PGCKA1: variants seen among roughly 807,000 people sequenced by gnomAD.
The protein encoded by PGCKA1 is PDCD10 and GCKIII kinases associated 1.
chr4:37,582,168 C>T, the PGCKA1 span, among the ~76,000 whole-genome samples: 1 of 152,174 alleles, frequency 6.6e-6, no homozygotes, highest in Non-Finnish European at 1.5e-5. Context: ...GATTGTCTTT[C>T]CTACTACCCT....
chr4:37,565,182 C>T, the PGCKA1 span, among the ~76,000 whole-genome samples: 2 of 152,274 alleles, frequency 1.3e-5, no homozygotes, highest in South Asian at 2.1e-4. Context: ...ACTGGCAGAA[C>T]TTGACATCTC....
chr4:37,519,357 G>C, the PGCKA1 span, among the ~76,000 whole-genome samples: 1 of 151,846 alleles, frequency 6.6e-6, no homozygotes, highest in Non-Finnish European at 1.5e-5. Context: ...GATTGCTTTG[G>C]GTAGTATGGA....
chr4:37,460,551 C>A, the PGCKA1 span: 1 of 453,408 alleles, frequency 2.2e-6, no homozygotes, highest in Non-Finnish European at 4.4e-6. Flanking sequence ...GCTGTGGAAT[C>A]TCATTGTGGT....
chr4:37,466,264 A>G, the PGCKA1 span, among the ~76,000 whole-genome samples: 1 of 152,196 alleles, frequency 6.6e-6, no homozygotes, highest in Non-Finnish European at 1.5e-5. Flanking sequence ...ATATTTTGAA[A>G]TATATCTGAA....
At chr4:37,560,487 T>C in the PGCKA1 span, among the ~76,000 whole-genome samples, 1 of 152,206 alleles carries the variant, frequency 6.6e-6, no homozygotes, top group Non-Finnish European at 1.5e-5. Flanking sequence ...CAGAACTACA[T>C]GCATTGGCAT....
the PGCKA1 span, among the ~76,000 whole-genome samples, chr4:37,459,449 A>G: frequency 6.6e-6 from 1 of 152,234 alleles, no homozygotes; most frequent in African/African-American, 2.4e-5. Context: ...CCCATTATAC[A>G]AGGGAAGTTA....
the PGCKA1 span, chr4:37,453,947 G>C: frequency 6.5e-6 from 1 of 153,540 alleles, no homozygotes; most frequent in Non-Finnish European, 1.5e-5. Context: ...GCAGCGCGGA[G>C]CCGCTAGCGT....
At chr4:37,545,704 G>A in the PGCKA1 span, among the ~76,000 whole-genome samples, 2 of 152,178 alleles carry the variant, frequency 1.3e-5, no homozygotes, top group African/African-American at 2.4e-5. Context: ...CCTTTCTGTT[G>A]TCATCCCCCC....
the PGCKA1 span, among the ~76,000 whole-genome samples, chr4:37,539,608 T>C: frequency 6.6e-6 from 1 of 152,278 alleles, no homozygotes; most frequent in East Asian, 1.9e-4. Context: ...GAGCTGAGAT[T>C]ATGCCACTGC....
At chr4:37,588,939 G>A in the PGCKA1 span, 1 of 1,514,212 alleles carries the variant, frequency 6.6e-7, no homozygotes, top group Admixed American at 1.7e-5. Flanking sequence ...GGAGGAATTT[G>A]TGATGAGCGT....
At chr4:37,463,656 C>T in the PGCKA1 span, among the ~76,000 whole-genome samples, 16 of 152,018 alleles carry the variant, frequency 1.1e-4, no homozygotes, top group East Asian at 1.9e-4. Context: ...TAAATTGTGG[C>T]GCTGGGGAGG....
chr4:37,462,239 C>G, the PGCKA1 span, among the ~76,000 whole-genome samples: 1 of 152,122 alleles, frequency 6.6e-6, no homozygotes, highest in Non-Finnish European at 1.5e-5. Flanking sequence ...ATTAGGCCTT[C>G]CCAACAACCC....
chr4:37,540,099 C>T, the PGCKA1 span, among the ~76,000 whole-genome samples: 1 of 152,122 alleles, frequency 6.6e-6, no homozygotes, highest in Non-Finnish European at 1.5e-5. Context: ...TGGACATAAA[C>T]CCTTGAAAAA....
At chr4:37,466,274 A>C in the PGCKA1 span, among the ~76,000 whole-genome samples, 1 of 152,330 alleles carries the variant, frequency 6.6e-6, no homozygotes, top group East Asian at 1.9e-4. Context: ...ATATATCTGA[A>C]ATATTAATGA....
At chr4:37,539,339 G>T in the PGCKA1 span, among the ~76,000 whole-genome samples, 1 of 152,166 alleles carries the variant, frequency 6.6e-6, no homozygotes, top group African/African-American at 2.4e-5. Context: ...CCACTGGTCT[G>T]TCCTGATATG....
At chr4:37,526,987 T>C in the PGCKA1 span, among the ~76,000 whole-genome samples, 9 of 152,140 alleles carry the variant, frequency 5.9e-5, no homozygotes, top group African/African-American at 1.9e-4. Context: ...AACCTTCCAA[T>C]AGGACAAGAT....
the PGCKA1 span, among the ~76,000 whole-genome samples, chr4:37,589,647 T>C: frequency 2.6e-4 from 40 of 152,344 alleles, no homozygotes; most frequent in East Asian, 6.2e-3. Context: ...TTGTTTATCT[T>C]TTTCAAGACT....
chr4:37,509,808 C>T, the PGCKA1 span, among the ~76,000 whole-genome samples: 2 of 151,732 alleles, frequency 1.3e-5, no homozygotes, highest in Non-Finnish European at 2.9e-5. Flanking sequence ...CAAAAAAATA[C>T]GAAAACCAGT....
chr4:37,507,365 C>T, the PGCKA1 span, among the ~76,000 whole-genome samples: 1 of 151,916 alleles, frequency 6.6e-6, no homozygotes, highest in Non-Finnish European at 1.5e-5. Context: ...TTCTTTTCTT[C>T]CTTCCTGTCT....
Sources: allele counts gnomAD v4.1 joint callset (sites outside exome capture counted in the v4.1 genomes callset), GRCh38; gene constraint gnomAD v4.1.1; transcripts MANE v1.5; gene names NCBI Gene and HGNC (gene_info 2026-07-23, HGNC 2026-07-21).